TBC1D22A: variants seen among roughly 807,000 people sequenced by gnomAD.
TBC1D22A encodes putative GTPase activator.
A neutral mutation model predicts 60.2 loss-of-function variants in TBC1D22A; 38 were observed. That is an observed-to-expected ratio of 0.63 (90% CI 0.49 to 0.83). The LOEUF is 0.83. TBC1D22A is among the 40% of genes least tolerant of loss of function. TBC1D22A has a pLI of 0.00. For missense variants in TBC1D22A, 628 were observed against 701.0 expected (o/e 0.90, Z 1.18); for synonymous variants, 302 against 281.7 (o/e 1.07, Z -0.72).
At chr22:47,062,087 C>CAAAAAAAAAAAAA (rs908701365) in intron 11 of TBC1D22A, among the ~76,000 whole-genome samples, 14 of 62,976 alleles carry the variant, frequency 2.2e-4, no homozygotes, top group African/African-American at 3.6e-4. Context: ...GACTCCATCT[C>CAAAAAAAAAAAAA]AAAAAAAAAA....
intron 4 of TBC1D22A, among the ~76,000 whole-genome samples, chr22:46,835,329 A>G (rs2086471559): frequency 6.6e-6 from 1 of 152,252 alleles, no homozygotes; most frequent in Admixed American, 6.5e-5. Flanking sequence ...GACAATTGAG[A>G]AAACAGACAA....
At position 46,884,645 on chromosome 22, in the gene TBC1D22A, T is replaced by C. The variant is rs537166292; in HGVS notation, c.708+5922T>C. ...GGTCTGTAGCAGCTAATCTCTGCCATTGTGGCCCAGAGCAGCCACAGGGAA... is the reference window on the plus strand; with the variant it reads ...GGTCTGTAGCAGCTAATCTCTGCCACTGTGGCCCAGAGCAGCCACAGGGAA... On this transcript the variant is annotated intron_variant, in intron 5 of 12. Coordinates refer to ENST00000337137, the MANE Select transcript of TBC1D22A (RefSeq NM_014346.5). 7.2e-5 allele frequency among the ~76,000 whole-genome samples: 11 copies of C among 152,344 alleles called. No individual in the cohort carries two copies. The South Asian group carries it at 1.9e-3, about 26-fold the overall frequency.
intron 11 of TBC1D22A, among the ~76,000 whole-genome samples, chr22:47,063,192 A>G (rs369297130): frequency 5.3e-5 from 8 of 152,120 alleles, no homozygotes; most frequent in African/African-American, 1.9e-4. Context: ...AGATGCTCGG[A>G]TCCCGCCTCC....
chr22:46,941,691 C>A (rs1357702944), intron 8 of TBC1D22A, among the ~76,000 whole-genome samples: 1 of 66,216 alleles, frequency 1.5e-5, no homozygotes, highest in African/African-American at 8.6e-5. Flanking sequence ...AATATATATA[C>A]GCGGATTATA....
At chr22:46,929,031 G>A (rs904061664) in intron 8 of TBC1D22A, among the ~76,000 whole-genome samples, 2 of 152,176 alleles carry the variant, frequency 1.3e-5, no homozygotes, top group Admixed American at 6.5e-5. Flanking sequence ...TTAGATTGTA[G>A]TGGTGGTTAC....
At chr22:47,064,282 G>A (rs1253620969) in intron 11 of TBC1D22A, among the ~76,000 whole-genome samples, 1 of 152,266 alleles carries the variant, frequency 6.6e-6, no homozygotes, top group Non-Finnish European at 1.5e-5. Context: ...CAGTTCCCGG[G>A]CAGCGGTGCC....
intron 7 of TBC1D22A, among the ~76,000 whole-genome samples, chr22:46,903,860 A>G (rs968065940): frequency 6.6e-6 from 1 of 151,678 alleles, no homozygotes; most frequent in Non-Finnish European, 1.5e-5. Context: ...GGTGGTAGGA[A>G]CTCCCAGCAA....
chr22:46,811,505 G>C (rs1332205665), intron 4 of TBC1D22A, among the ~76,000 whole-genome samples: 1 of 152,208 alleles, frequency 6.6e-6, no homozygotes, highest in Non-Finnish European at 1.5e-5. Flanking sequence ...TCACTTAAGC[G>C]GAGAGTTGAG....
chr22:47,023,018 G>A (rs10222273), intron 10 of TBC1D22A, among the ~76,000 whole-genome samples: 2,188 of 152,262 alleles, frequency 0.014, 58 homozygotes, highest in African/African-American at 0.05. Context: ...GGAAAAGATC[G>A]CAGATAATGA....
intron 8 of TBC1D22A, among the ~76,000 whole-genome samples, chr22:46,956,286 TAAG>T (rs949026491): frequency 6.6e-5 from 10 of 152,076 alleles, no homozygotes; most frequent in Admixed American, 2.6e-4. Flanking sequence ...GATGTCCTAA[TAAG>T]AAGAAGAGAT....
chr22:47,128,427 G>A (rs1282087879), intron 12 of TBC1D22A, among the ~76,000 whole-genome samples: 1 of 135,736 alleles, frequency 7.4e-6, no homozygotes, highest in African/African-American at 2.9e-5. Flanking sequence ...GTCCTTCTGT[G>A]TTCCGTCCCT....
chr22:46,769,628 G>C (rs2083419725), intron 1 of TBC1D22A, among the ~76,000 whole-genome samples: 1 of 152,152 alleles, frequency 6.6e-6, no homozygotes, highest in South Asian at 2.1e-4. Flanking sequence ...GGGAGCGCTT[G>C]ACTGGGGAGG....
chr22:46,840,060 C>T (rs1232564893), intron 4 of TBC1D22A, among the ~76,000 whole-genome samples: 1 of 152,042 alleles, frequency 6.6e-6, no homozygotes, highest in Non-Finnish European at 1.5e-5. Flanking sequence ...AGATATGACA[C>T]CAAAAACATA....
intron 4 of TBC1D22A, among the ~76,000 whole-genome samples, chr22:46,839,541 G>A (rs1398958726): frequency 6.6e-6 from 1 of 152,134 alleles, no homozygotes; most frequent in African/African-American, 2.4e-5. Context: ...TCTACACATA[G>A]GACAATCTCT....
intron 9 of TBC1D22A, among the ~76,000 whole-genome samples, chr22:46,992,913 C>T (rs12158185): frequency 0.088 from 13,449 of 152,002 alleles, 1,852 homozygotes; most frequent in African/African-American, 0.3. Context: ...AAAAGACTTC[C>T]CGAGGTGTTT....
intron 9 of TBC1D22A, among the ~76,000 whole-genome samples, chr22:46,974,779 T>C (rs750465114): frequency 4.6e-5 from 7 of 152,174 alleles, no homozygotes; most frequent in East Asian, 1.9e-4. Context: ...GGGCCACAGC[T>C]CCTGGCCTCT....
chr22:47,084,115 A>G (rs896613159), intron 11 of TBC1D22A, among the ~76,000 whole-genome samples: 1 of 152,244 alleles, frequency 6.6e-6, no homozygotes, highest in Non-Finnish European at 1.5e-5. Flanking sequence ...CACTTAAGTC[A>G]TACGCAGTCA....
chr22:46,974,975 C>G (rs1024851679), intron 9 of TBC1D22A, among the ~76,000 whole-genome samples: 8 of 152,226 alleles, frequency 5.3e-5, no homozygotes, highest in African/African-American at 1.7e-4. Flanking sequence ...AGAAAAGCCA[C>G]AGGTCTCCCA....
intron 12 of TBC1D22A, among the ~76,000 whole-genome samples, chr22:47,140,553 C>CAA (rs940877057): frequency 1.3e-4 from 9 of 69,838 alleles, no homozygotes; most frequent in African/African-American, 3.7e-4. Flanking sequence ...GACTCTGTCT[C>CAA]AAAAAAAAAA....
Sources: gnomAD v4.1 joint callset for allele counts (sites outside exome capture counted in the v4.1 genomes callset) on GRCh38, gnomAD v4.1.1 for gene constraint, MANE v1.5 for transcripts, NCBI Gene and HGNC (gene_info 2026-07-23, HGNC 2026-07-21) for gene names.